Variants in TTC28 observed in about 807,000 individuals in gnomAD.
The protein encoded by TTC28 is tetratricopeptide repeat protein 28.
A neutral mutation model predicts 198.0 loss-of-function variants in TTC28; 61 were observed. The ratio of observed to expected loss-of-function variants is 0.31; its 90% CI spans 0.25 to 0.38. TTC28 has a LOEUF of 0.38. Ranked by LOEUF, TTC28 falls within the 10% of genes least tolerant of loss-of-function variation. The pLI, the probability that TTC28 is intolerant of heterozygous loss-of-function variation, is 1.00. For synonymous variants in TTC28, 1,171 were observed against 1,297.8 expected (o/e 0.90, Z 2.10); for missense variants, 2,678 against 3,164.0 (o/e 0.85, Z 3.69).
chr22:28,412,053 T>G (rs1044962774), intron 2 of TTC28, among the ~76,000 whole-genome samples: 1 of 152,196 alleles, frequency 6.6e-6, no homozygotes, highest in Non-Finnish European at 1.5e-5. Context: ...GTTCTATAAG[T>G]GGGTTGACAC....
At chr22:28,428,261 T>C (rs1190102387) in intron 2 of TTC28, among the ~76,000 whole-genome samples, 1 of 152,110 alleles carries the variant, frequency 6.6e-6, no homozygotes, top group Non-Finnish European at 1.5e-5. Context: ...GACAACAATA[T>C]AATACCATGA....
At chr22:28,560,992 A>G (rs912480142) in intron 2 of TTC28, among the ~76,000 whole-genome samples, 4 of 150,680 alleles carry the variant, frequency 2.7e-5, no homozygotes, top group Non-Finnish European at 3.0e-5. Context: ...CCTGACCTCA[A>G]GTGATCTGCC....
At chr22:28,539,110 C>A (rs549977803) in intron 2 of TTC28, among the ~76,000 whole-genome samples, 2 of 152,114 alleles carry the variant, frequency 1.3e-5, no homozygotes, top group Non-Finnish European at 2.9e-5. Context: ...TCAAGTTCTG[C>A]AGAAGGTGGT....
In TTC28 at chr22:27,981,229, AATTTTTTTTTTTTTTTTTTTTT is replaced by A. The variant is rs1937005135; in HGVS notation, c.*970_*991del. 1 of 72,686 alleles carries A rather than the reference AATTTTTTTTTTTTTTTTTTTTT, an allele frequency of 1.4e-5. No individual in the cohort carries two copies. The highest frequency in any genetic ancestry group is 4.9e-5 in the African/African-American group (1 of 20,420). 4.5% of individuals were successfully genotyped at this position (72,686 alleles called of 1,614,324 possible). The stretch of plus-strand genomic sequence containing the variant: ...CTGGTTAAATCTAGTTAGCCATGGA[AATTTTTTTTTTTTTTTTTTTTT>A]TTTTTTTTTTTTTTTTGCTTATAAG... On this transcript the variant is annotated 3_prime_UTR_variant, in exon 23 of 23. Coordinates refer to ENST00000397906, the MANE Select transcript of TTC28 (RefSeq NM_001145418.2).
Position 28,383,616 on chromosome 22 carries a change from T to G in TTC28, c.382-76973A>C, listed in dbSNP as rs193073042. On this transcript the variant is annotated intron_variant, in intron 2 of 22. Coordinates refer to ENST00000397906, the MANE Select transcript of TTC28 (RefSeq NM_001145418.2). The stretch of plus-strand genomic sequence containing the variant: ...ACCAGTTGCTCAGGTCAAATGATTC[T>G]GCTGTGTTCTTTTTCTCATATCCCA... Among the ~76,000 whole-genome samples, 717 of 152,362 alleles carry G rather than the reference T, an allele frequency of 4.7e-3. 4 individuals are homozygous for G. Among genetic ancestry groups the G allele is most frequent in the Admixed American group, 9.1e-3 (139 of 15,310 alleles).
At chr22:28,571,331 ACT>A (rs534618233) in intron 2 of TTC28, among the ~76,000 whole-genome samples, 1 of 152,160 alleles carries the variant, frequency 6.6e-6, no homozygotes, top group African/African-American at 2.4e-5. Flanking sequence ...AATTACACAA[ACT>A]CTCTATTGTA....
chr22:28,137,401 C>A (rs1366387654), intron 6 of TTC28, among the ~76,000 whole-genome samples: 1 of 152,182 alleles, frequency 6.6e-6, no homozygotes, highest in Non-Finnish European at 1.5e-5. Context: ...CCTTTCCTCT[C>A]TCGCTTCTCA....
chr22:28,080,466 T>G (rs1428747190), intron 12 of TTC28, among the ~76,000 whole-genome samples: 1 of 152,224 alleles, frequency 6.6e-6, no homozygotes, highest in Non-Finnish European at 1.5e-5. Context: ...ATATGCTTGT[T>G]GCTCATTTGT....
intron 5 of TTC28, among the ~76,000 whole-genome samples, chr22:28,169,950 G>A (rs951153123): frequency 2.0e-5 from 3 of 151,950 alleles, no homozygotes; most frequent in African/African-American, 7.3e-5. Flanking sequence ...CAATCCAGTT[G>A]CTAATCGTAC....
chr22:28,361,524 G>C (rs769570528), intron 2 of TTC28, among the ~76,000 whole-genome samples: 4 of 152,192 alleles, frequency 2.6e-5, no homozygotes, highest in East Asian at 1.9e-4. Context: ...GCAGAGGCTG[G>C]TTTATGAGGT....
rs572823578 is a variant in TTC28, at chr22:28,161,148, T to C, written c.1441+1944A>G. The stretch of plus-strand genomic sequence containing the variant: ...AACTCAGAAGATTTTAAAAACCCAA[T>C]AAAAGTGAACATAATACATAAAAAA... On this transcript the variant is annotated intron_variant, in intron 6 of 22. Coordinates refer to ENST00000397906, the MANE Select transcript of TTC28 (RefSeq NM_001145418.2). Among the ~76,000 whole-genome samples the C allele has an allele frequency of 2.0e-5, 3 of 152,198 alleles. No individual in the cohort carries two copies. In the South Asian group the frequency reaches 6.2e-4, roughly 32 times the overall value.
At chr22:28,308,465 A>G (rs901858760) in intron 2 of TTC28, among the ~76,000 whole-genome samples, 3 of 152,210 alleles carry the variant, frequency 2.0e-5, no homozygotes, top group Non-Finnish European at 4.4e-5. Context: ...ATATTATAAG[A>G]AAAAATCTTA....
At chr22:28,533,449 C>G (rs542376262) in intron 2 of TTC28, among the ~76,000 whole-genome samples, 28 of 152,076 alleles carry the variant, frequency 1.8e-4, no homozygotes, top group East Asian at 5.8e-4. Context: ...CTCATGGATA[C>G]GAAGAATCAA....
chr22:28,590,047 A>C (rs1204367657), intron 2 of TTC28, among the ~76,000 whole-genome samples: 3 of 81,250 alleles, frequency 3.7e-5, no homozygotes, highest in Non-Finnish European at 7.6e-5. Context: ...AAAAAAAAAA[A>C]AAAAAAAAAA....
Position 28,243,038 on chromosome 22 carries a change from A to T in TTC28, c.933+53160T>A, listed in dbSNP as rs924714363. On this transcript the variant is annotated intron_variant, in intron 5 of 22. Coordinates refer to ENST00000397906, the MANE Select transcript of TTC28 (RefSeq NM_001145418.2). ...TTTTAATCTATTTAATCTAATAATT[A>T]AAAAAAAAAAAAAACTGGGCCAGGC... Among the ~76,000 whole-genome samples the T allele has an allele frequency of 6.1e-5, 7 of 113,852 alleles. No individual in the cohort carries two copies. The East Asian group carries it at 8.7e-4, about 14-fold the overall frequency. The allele number at this position is 113,852 out of a possible 152,430, so 74.7% of individuals were successfully genotyped here.
At position 28,014,287 on chromosome 22, in the gene TTC28, G is replaced by C. The variant is rs1022843581; in HGVS notation, c.4179C>G (p.Leu1393=). 4.3e-5 allele frequency: 66 copies of C among 1,551,556 alleles called. No individual in the cohort carries two copies. Among genetic ancestry groups the C allele is most frequent in the South Asian group, 3.6e-5 (3 of 84,062 alleles). ...RRQSSFAKPP[L]RALYDLLIAP... is the part of the protein sequence containing the mutation. ...CGATGAGCAGGTCATACAGGGCACG[G>C]AGCGGGGGCTTGGCAAACGAGCTCT... The change falls in exon 14 of 23, where the codon CTC becomes CTG. Residue 1393 remains leucine (L), a synonymous_variant. Transcript: ENST00000397906.
At chr22:27,991,727 C>CA (rs1937416104) in intron 19 of TTC28, among the ~76,000 whole-genome samples, 1 of 152,228 alleles carries the variant, frequency 6.6e-6, no homozygotes, top group Non-Finnish European at 1.5e-5. Context: ...GCTGTCCCCC[C>CA]AGGGGCTTGG....
At chr22:28,557,858 G>C (rs2049809569) in intron 2 of TTC28, among the ~76,000 whole-genome samples, 1 of 152,122 alleles carries the variant, frequency 6.6e-6, no homozygotes, top group African/African-American at 2.4e-5. Flanking sequence ...CCCTTCAAGT[G>C]TCCCTGGCTT....
intron 5 of TTC28, among the ~76,000 whole-genome samples, chr22:28,224,760 C>T (rs1243672560): frequency 1.3e-5 from 2 of 152,040 alleles, no homozygotes; most frequent in African/African-American, 4.8e-5. Context: ...CTCCTGAGGC[C>T]CCAGCTGAAC....
Sources: allele counts gnomAD v4.1 joint callset (sites outside exome capture counted in the v4.1 genomes callset), GRCh38; gene constraint gnomAD v4.1.1; transcripts MANE v1.5; gene names NCBI Gene and HGNC (gene_info 2026-07-23, HGNC 2026-07-21).